The following PITPNM2 variants were observed in gnomAD, a reference collection of about 807,000 sequenced individuals.
PITPNM2 encodes the protein membrane-associated phosphatidylinositol transfer protein 2.
PITPNM2 carries 35 observed loss-of-function variants against 132.2 expected under a neutral mutation model. That is an observed-to-expected ratio of 0.26 (90% CI 0.20 to 0.35). The LOEUF (loss-of-function observed/expected upper bound fraction) is 0.35. Ranked by LOEUF, PITPNM2 falls within the 10% of genes least tolerant of loss-of-function variation. The pLI is 1.00. For missense variants in PITPNM2, 1,332 were observed against 1,912.0 expected, an observed-to-expected ratio of 0.70 and a Z score of 5.66; for synonymous variants, 738 against 799.2, an observed-to-expected ratio of 0.92 and a Z score of 1.29.
intron 2 of PITPNM2, among the ~76,000 whole-genome samples, chr12:123,040,183 A>G (rs949862295): frequency 1.3e-5 from 2 of 152,216 alleles, no homozygotes; most frequent in East Asian, 1.9e-4. Context: ...TAACCTTTTA[A>G]AAGTTTTTCT....
rs1221186623 is a variant in PITPNM2, at chr12:122,991,691, G to C, written c.2404+808C>G. 17 of 1,280,248 alleles carry C rather than the reference G, an allele frequency of 1.3e-5. No homozygotes were observed. The South Asian group carries it at 4.1e-4, about 31-fold the overall frequency. 79.3% of individuals were successfully genotyped at this position (1,280,248 alleles called of 1,614,324 possible). ...GGCCAAGGAGGGCATGGATTGGGGG[G>C]TGTCCCTGAGGACCAGGTCAACCAA... On this transcript the variant is annotated intron_variant, in intron 16 of 25. Transcript: ENST00000320201.
At position 123,005,275 on chromosome 12, in the gene PITPNM2, G is replaced by A; in HGVS notation, c.917C>T (p.Thr306Ile). The change falls in exon 7 of 26, where the codon ACA becomes ATA. Residue 306 changes from threonine (T) to isoleucine (I), a missense_variant. Transcript: ENST00000320201. The surrounding 1 kb of genome is among the most constrained non-coding windows in gnomAD (Gnocchi z 6.2). Reference protein sequence around the residue: ...VGRGLKKQWSTSSKSSRSSKR... With the variant: ...VGRGLKKQWSISSKSSRSSKR... ...GGACGACCGAGACGACTTGGAGGATGTGGACCACTGTTTCTTGAGGCCGCG... is the reference window on the plus strand; with the variant it reads ...GGACGACCGAGACGACTTGGAGGATATGGACCACTGTTTCTTGAGGCCGCG... 1.2e-6 allele frequency: 2 copies of A among 1,613,836 alleles called. No homozygotes were observed. The highest frequency in any genetic ancestry group is 1.7e-6 in the Non-Finnish European group (2 of 1,179,870).
chr12:123,143,958 T>C (rs2043559322), intron 1 of PITPNM2, among the ~76,000 whole-genome samples: 1 of 152,250 alleles, frequency 6.6e-6, no homozygotes, highest in East Asian at 1.9e-4. Context: ...GCTGACATGA[T>C]GCCAAAGGTG....
chr12:123,059,310 G>A (rs968343102), intron 2 of PITPNM2, among the ~76,000 whole-genome samples: 1 of 152,228 alleles, frequency 6.6e-6, no homozygotes, highest in Non-Finnish European at 1.5e-5. Flanking sequence ...GAGCTACATA[G>A]CCTGAATTTG....
Position 123,106,327 on chromosome 12 carries a change from G to A in PITPNM2, c.-96+4058C>T, listed in dbSNP as rs1186033978. On this transcript the variant is annotated intron_variant, in intron 2 of 25. Coordinates refer to ENST00000320201, the MANE Select transcript of PITPNM2 (RefSeq NM_020845.3). This position sits in a 1 kb window ranked among gnomAD's most constrained non-coding sequence, Gnocchi z 4.4. ...TGCTTAAGCCCAGGAATTCAAGGCT[G>A]CAGTGAGCCATGATCACACCACTGC... Among the ~76,000 whole-genome samples, 2 of 152,092 alleles carry A rather than the reference G, an allele frequency of 1.3e-5. No individual in the cohort carries two copies. Among genetic ancestry groups the A allele is most frequent in the African/African-American group, 4.8e-5 (2 of 41,402 alleles).
At chr12:123,143,482 G>A (rs892023406) in intron 1 of PITPNM2, among the ~76,000 whole-genome samples, 5 of 152,162 alleles carry the variant, frequency 3.3e-5, no homozygotes, top group South Asian at 4.1e-4. Context: ...ACGTACGTAC[G>A]AACTCTTAAG....
At chr12:123,001,370 G>C (rs531203429) in intron 8 of PITPNM2, among the ~76,000 whole-genome samples, 12 of 152,352 alleles carry the variant, frequency 7.9e-5, no homozygotes, top group African/African-American at 2.9e-4. Flanking sequence ...GTGGCATTTA[G>C]TATATTCACA....
intron 2 of PITPNM2, among the ~76,000 whole-genome samples, chr12:123,071,603 C>T (rs960760030): frequency 3.3e-5 from 5 of 152,340 alleles, no homozygotes; most frequent in African/African-American, 9.6e-5. Flanking sequence ...TGAAAAGCAG[C>T]GGTTGGCCTG....
chr12:123,142,242 C>T (rs1470087373), intron 1 of PITPNM2, among the ~76,000 whole-genome samples: 1 of 152,198 alleles, frequency 6.6e-6, no homozygotes, highest in East Asian at 1.9e-4. Flanking sequence ...CTAAATGCAT[C>T]CCTTGCTACT....
rs2039727079 is a variant in PITPNM2 at position 123,022,995 on chromosome 12, A to G, written c.79-8953T>C. Among the ~76,000 whole-genome samples, 1 of 152,196 alleles carries G rather than the reference A, an allele frequency of 6.6e-6. No individual in the cohort carries two copies. Among genetic ancestry groups the G allele is most frequent in the African/African-American group, 2.4e-5 (1 of 41,448 alleles). The stretch of plus-strand genomic sequence containing the variant: ...CTGCTTGTTCTCCCAGCTCCCTGCC[A>G]CAGGGGCATGACTCTGTCTCCTGGC... On this transcript the variant is annotated intron_variant, in intron 3 of 25. Coordinates refer to ENST00000320201, the MANE Select transcript of PITPNM2 (RefSeq NM_020845.3). This position sits in a 1 kb window ranked among gnomAD's most constrained non-coding sequence, Gnocchi z 4.9.
intron 2 of PITPNM2, among the ~76,000 whole-genome samples, chr12:123,104,182 T>C (rs1484377365): frequency 6.6e-6 from 1 of 152,186 alleles, no homozygotes; most frequent in East Asian, 1.9e-4. Context: ...CTGCCCGTGT[T>C]GGCCTCCCAA....
rs774417153 is a variant in PITPNM2, at chr12:123,097,785, C to T, written c.-96+12600G>A. On this transcript the variant is annotated intron_variant, in intron 2 of 25. Transcript: ENST00000320201. The surrounding 1 kb of genome is among the most constrained non-coding windows in gnomAD (Gnocchi z 4.7). ...CTTGAAGACATTCACGTGAAGATGACGGGCAGGTCCCCAGCTCCTGGGCTG... is the reference window on the plus strand; with the variant it reads ...CTTGAAGACATTCACGTGAAGATGATGGGCAGGTCCCCAGCTCCTGGGCTG... 3.9e-5 allele frequency among the ~76,000 whole-genome samples: 6 copies of T among 152,220 alleles called. No individual in the cohort carries two copies. The highest frequency in any genetic ancestry group is 1.9e-4 in the East Asian group (1 of 5,196).
At chr12:123,070,864 C>T (rs1421575945) in intron 2 of PITPNM2, among the ~76,000 whole-genome samples, 1 of 152,220 alleles carries the variant, frequency 6.6e-6, no homozygotes. Context: ...CAGAGAATGC[C>T]GTGACGTGTG....
chr12:123,025,074 C>A (rs2039808836), intron 3 of PITPNM2, among the ~76,000 whole-genome samples: 1 of 152,186 alleles, frequency 6.6e-6, no homozygotes, highest in Non-Finnish European at 1.5e-5. Flanking sequence ...TCCCCGTGTC[C>A]AAAAGCTCAG....
In PITPNM2 at chr12:123,059,896, G is replaced by A. The variant is rs556266017; in HGVS notation, c.-95-25211C>T. On this transcript the variant is annotated intron_variant, in intron 2 of 25. Coordinates refer to ENST00000320201, the MANE Select transcript of PITPNM2 (RefSeq NM_020845.3). ...AAATGTTTTAGAACTAGATAAAGGTGGTGGCTGCACAATCTTGTATGCATA... is the reference window on the plus strand; with the variant it reads ...AAATGTTTTAGAACTAGATAAAGGTAGTGGCTGCACAATCTTGTATGCATA... 1.6e-4 allele frequency among the ~76,000 whole-genome samples: 25 copies of A among 152,224 alleles called. No homozygotes were observed. The South Asian group carries it at 5.2e-3, about 32-fold the overall frequency.
intron 1 of PITPNM2, among the ~76,000 whole-genome samples, chr12:123,122,292 G>A (rs556617539): frequency 2.0e-5 from 3 of 152,100 alleles, no homozygotes; most frequent in East Asian, 1.9e-4. Context: ...GTGAAACCCC[G>A]TCCCTACTAA....
At chr12:123,094,539 T>G (rs1330289957) in intron 2 of PITPNM2, among the ~76,000 whole-genome samples, 1 of 152,256 alleles carries the variant, frequency 6.6e-6, no homozygotes, top group Non-Finnish European at 1.5e-5. Flanking sequence ...CTTAGTCCTC[T>G]GGGGACGTTA....
intron 2 of PITPNM2, among the ~76,000 whole-genome samples, chr12:123,093,599 A>C (rs1041609358): frequency 1.3e-5 from 2 of 152,108 alleles, no homozygotes; most frequent in African/African-American, 4.8e-5. Context: ...CAGCCCCTCC[A>C]GAGCCAACCT....
At chr12:123,126,142 T>C (rs1049772695) in intron 1 of PITPNM2, among the ~76,000 whole-genome samples, 3 of 152,182 alleles carry the variant, frequency 2.0e-5, no homozygotes, top group African/African-American at 7.2e-5. Flanking sequence ...GTGCTGGGAT[T>C]ACAGGCTTGA....
Sources: allele counts gnomAD v4.1 joint callset (sites outside exome capture counted in the v4.1 genomes callset), GRCh38; gene constraint gnomAD v4.1.1; non-coding constraint Gnocchi (gnomAD v3.1); transcripts MANE v1.5; gene names NCBI Gene and HGNC (gene_info 2026-07-23, HGNC 2026-07-21).